The following STARD13 variants were observed in gnomAD, a reference collection of about 807,000 sequenced individuals.
STARD13 encodes StAR related lipid transfer domain containing 13.
Under a neutral mutation model 106.4 loss-of-function variants are expected in STARD13, and 62 were observed. The observed-to-expected ratio is 0.58, with a 90% confidence interval of 0.48 to 0.72. The LOEUF is 0.72. STARD13 is among the 30% of genes least tolerant of loss of function. STARD13 has a pLI of 0.00. For synonymous variants in STARD13, 565 were observed against 553.0 expected (o/e 1.02, Z -0.31); for missense variants, 1,387 against 1,424.0 (o/e 0.97, Z 0.42).
chr13:33,609,046 A>G, the STARD13 span, among the ~76,000 whole-genome samples: 3 of 143,902 alleles, frequency 2.1e-5, no homozygotes, highest in Non-Finnish European at 4.5e-5. Context: ...AGATTGCGCC[A>G]CTGCACTCCA....
the STARD13 span, among the ~76,000 whole-genome samples, chr13:33,661,764 G>A: frequency 6.6e-6 from 1 of 152,016 alleles, no homozygotes; most frequent in East Asian, 1.9e-4. Context: ...TAACACATGG[G>A]GATTGTTACA....
At chr13:33,634,947 A>T in the STARD13 span, among the ~76,000 whole-genome samples, 1 of 152,212 alleles carries the variant, frequency 6.6e-6, no homozygotes, top group Non-Finnish European at 1.5e-5. Flanking sequence ...GTGGAAGATC[A>T]GCAGTGAAGG....
At chr13:33,575,908 A>G in the STARD13 span, among the ~76,000 whole-genome samples, 170 of 152,106 alleles carry the variant, frequency 1.1e-3, 2 homozygotes, top group African/African-American at 3.8e-3. Flanking sequence ...CTCTCCCTCT[A>G]TGCCAGACAC....
chr13:33,294,781 C>A (rs2138442570), intron 1 of STARD13, among the ~76,000 whole-genome samples: 1 of 152,234 alleles, frequency 6.6e-6, no homozygotes, highest in East Asian at 1.9e-4. Flanking sequence ...GATTCTATAA[C>A]CTCCTCCCAT....
At chr13:33,165,283 T>A in intron 3 of STARD13, 54 bp downstream of exon 3, 1 of 1,321,936 alleles carries the variant, frequency 7.6e-7, no homozygotes, top group Non-Finnish European at 1.1e-6. Context: ...AGTATAGTGA[T>A]GCCTGTTGCA....
chr13:33,443,584 A>C, the STARD13 span, among the ~76,000 whole-genome samples: 1 of 152,102 alleles, frequency 6.6e-6, no homozygotes, highest in South Asian at 2.1e-4. Flanking sequence ...TAGCAATATA[A>C]CACATTAAGA....
At chr13:33,430,620 A>C in the STARD13 span, among the ~76,000 whole-genome samples, 1 of 152,232 alleles carries the variant, frequency 6.6e-6, no homozygotes, top group Non-Finnish European at 1.5e-5. Context: ...AGATATCTGC[A>C]GTCCCATGTT....
the STARD13 span, among the ~76,000 whole-genome samples, chr13:33,657,667 A>C: frequency 2.0e-5 from 3 of 152,352 alleles, no homozygotes; most frequent in East Asian, 3.9e-4. Context: ...TGTCATTAAC[A>C]TCCTTCGAAA....
rs547790105 is a variant in STARD13, at chr13:33,128,522, T to C, written c.1748+407A>G. On this transcript the variant is annotated intron_variant, in intron 5 of 13. Coordinates refer to ENST00000336934, the MANE Select transcript of STARD13 (RefSeq NM_178006.4). ...CATCTTAGGCCTCAGAAATTTCTTA[T>C]AGGAGCAAAAAAAGTGTAAAATTTG... 4.6e-5 allele frequency among the ~76,000 whole-genome samples: 7 copies of C among 152,180 alleles called. No individual in the cohort carries two copies. The East Asian group carries it at 1.4e-3, about 29-fold the overall frequency.
At chr13:33,469,717 G>A in the STARD13 span, among the ~76,000 whole-genome samples, 4 of 152,042 alleles carry the variant, frequency 2.6e-5, no homozygotes, top group African/African-American at 9.7e-5. Context: ...TAATTAAGAG[G>A]AAATTGACAC....
the STARD13 span, among the ~76,000 whole-genome samples, chr13:33,441,107 T>G: frequency 6.6e-6 from 1 of 152,088 alleles, no homozygotes; most frequent in Non-Finnish European, 1.5e-5. Flanking sequence ...ACCTGTTTGC[T>G]CAAATCAGAA....
the STARD13 span, among the ~76,000 whole-genome samples, chr13:33,570,037 CA>C: frequency 6.8e-6 from 1 of 147,014 alleles, no homozygotes; most frequent in Non-Finnish European, 1.5e-5. Context: ...TCCACGTAAC[CA>C]AAGACCATCT....
At chr13:33,609,424 G>A in the STARD13 span, among the ~76,000 whole-genome samples, 2 of 152,044 alleles carry the variant, frequency 1.3e-5, no homozygotes, top group East Asian at 1.9e-4. Flanking sequence ...ACAATTAATC[G>A]GGTGCACTAA....
the STARD13 span, among the ~76,000 whole-genome samples, chr13:33,394,207 CTT>C: frequency 6.8e-6 from 1 of 146,994 alleles, no homozygotes; most frequent in Non-Finnish European, 1.5e-5. Context: ...ATTATTATTC[CTT>C]TTTTTTTTTC....
chr13:33,382,256 C>A, the STARD13 span, among the ~76,000 whole-genome samples: 1 of 152,252 alleles, frequency 6.6e-6, no homozygotes, highest in East Asian at 1.9e-4. Context: ...TTAAGTCAAT[C>A]CAGTTATAGA....
At chr13:33,228,005 T>C (rs1888711487) in intron 1 of STARD13, among the ~76,000 whole-genome samples, 1 of 152,154 alleles carries the variant, frequency 6.6e-6, no homozygotes, top group South Asian at 2.1e-4. Context: ...CGCAGAGCAG[T>C]TTTTAACAGT....
chr13:33,198,539 AC>A (rs1886798944), intron 1 of STARD13, among the ~76,000 whole-genome samples: 2 of 151,560 alleles, frequency 1.3e-5, no homozygotes, highest in African/African-American at 4.9e-5. Context: ...ACAGAAATTA[AC>A]CCTTCTCCCT....
At chr13:33,355,936 G>A in the STARD13 span, among the ~76,000 whole-genome samples, 7 of 152,216 alleles carry the variant, frequency 4.6e-5, no homozygotes, top group Non-Finnish European at 7.4e-5. Flanking sequence ...GCAAAATTTA[G>A]TGTTAGCTGT....
At chr13:33,275,319 T>C (rs1237855489) in intron 1 of STARD13, among the ~76,000 whole-genome samples, 2 of 152,242 alleles carry the variant, frequency 1.3e-5, no homozygotes, top group Non-Finnish European at 1.5e-5. Flanking sequence ...CATAATTTAC[T>C]CTTCAGTTGA....
Sources: gnomAD v4.1 joint callset for allele counts (sites outside exome capture counted in the v4.1 genomes callset) on GRCh38, gnomAD v4.1.1 for gene constraint, MANE v1.5 for transcripts, NCBI Gene and HGNC (gene_info 2026-07-23, HGNC 2026-07-21) for gene names.